Variants in WWC2 observed in about 807,000 individuals in gnomAD.
WWC2 encodes the protein WW and C2 domain containing 2, also known as protein WWC2.
In WWC2, 101 loss-of-function variants were observed where a neutral mutation model predicts 138.5. The ratio of observed to expected loss-of-function variants is 0.73; its 90% CI spans 0.62 to 0.86. WWC2 has a LOEUF of 0.86. Ranked by LOEUF, WWC2 falls within the 40% of genes least tolerant of loss-of-function variation. WWC2 has a pLI of 0.00. For synonymous variants in WWC2, 558 were observed against 538.4 expected (o/e 1.04, Z -0.50); for missense variants, 1,420 against 1,419.4 (o/e 1.00, Z -0.01).
chr4:183,303,381 A>C (rs1484248057), intron 21 of WWC2, among the ~76,000 whole-genome samples: 1 of 152,182 alleles, frequency 6.6e-6, no homozygotes, highest in Non-Finnish European at 1.5e-5. Context: ...CAGTGTAAAC[A>C]TCTCAGCCAC....
intron 2 of WWC2, among the ~76,000 whole-genome samples, chr4:183,199,197 G>A (rs1176965300): frequency 1.3e-5 from 2 of 152,198 alleles, no homozygotes; most frequent in Non-Finnish European, 2.9e-5. Context: ...GGAAAGACAT[G>A]CAGGAAATTC....
At chr4:183,307,118 G>A (rs1739048723) in intron 21 of WWC2, among the ~76,000 whole-genome samples, 1 of 152,136 alleles carries the variant, frequency 6.6e-6, no homozygotes, top group Non-Finnish European at 1.5e-5. Flanking sequence ...CAGGCCATAA[G>A]ATACATATTT....
chr4:183,276,608 A>G (rs1273884324), intron 16 of WWC2, among the ~76,000 whole-genome samples: 1 of 152,068 alleles, frequency 6.6e-6, no homozygotes, highest in Non-Finnish European at 1.5e-5. Flanking sequence ...TTATTGTCAT[A>G]TATTTTGAAT....
intron 8 of WWC2, among the ~76,000 whole-genome samples, chr4:183,251,879 C>T (rs931986552): frequency 6.6e-6 from 1 of 152,206 alleles, no homozygotes. Context: ...GTTTTCTCCT[C>T]CAGCCCTTAT....
chr4:183,190,773 A>G lies in WWC2; in HGVS notation c.132-2826A>G, dbSNP rs146693969. On this transcript the variant is annotated intron_variant, in intron 1 of 22. Transcript: ENST00000403733. The stretch of plus-strand genomic sequence containing the variant: ...AGTGACAATTAAATGCTTATCTGCT[A>G]ACCAGTTAGTGGAACAAACTGGATT... Among the ~76,000 whole-genome samples the G allele has an allele frequency of 4.8e-3, 731 of 152,350 alleles. 2 individuals are homozygous for G. Among genetic ancestry groups the G allele is most frequent in the Non-Finnish European group, 7.8e-3 (529 of 68,020 alleles).
At chr4:183,193,332 ACT>A (rs1735042450) in intron 1 of WWC2, among the ~76,000 whole-genome samples, 1 of 151,786 alleles carries the variant, frequency 6.6e-6, no homozygotes, top group South Asian at 2.1e-4. Context: ...AAGCTTCCTC[ACT>A]CTCAGCTTGG....
chr4:183,197,409 C>T (rs988660770), intron 2 of WWC2, among the ~76,000 whole-genome samples: 3 of 152,088 alleles, frequency 2.0e-5, no homozygotes, highest in Admixed American at 6.5e-5. Flanking sequence ...GTTCTGACAT[C>T]GTATAGTTTC....
intron 4 of WWC2, among the ~76,000 whole-genome samples, chr4:183,237,855 C>T (rs915835910): frequency 2.0e-5 from 3 of 152,056 alleles, no homozygotes; most frequent in Admixed American, 6.6e-5. Flanking sequence ...CTCTTGTATT[C>T]GAGGATGCCC....
chr4:183,228,677 A>C (rs1736145539), intron 4 of WWC2, among the ~76,000 whole-genome samples: 1 of 152,108 alleles, frequency 6.6e-6, no homozygotes, highest in African/African-American at 2.4e-5. Flanking sequence ...GAACAATATG[A>C]AGCGTCGTTA....
chr4:183,102,433 C>T (rs1342674407), intron 1 of WWC2, among the ~76,000 whole-genome samples: 3 of 152,150 alleles, frequency 2.0e-5, no homozygotes, highest in East Asian at 3.8e-4. Flanking sequence ...TTCATTCTCC[C>T]GTTGGTCCTG....
chr4:183,154,018 A>AAAAAAAAAAC, intron 1 of WWC2, among the ~76,000 whole-genome samples: 4 of 143,238 alleles, frequency 2.8e-5, no homozygotes, highest in African/African-American at 1.2e-4. Context: ...AAAAAAAAAA[A>AAAAAAAAAAC]AAAAAAAAAA....
intron 1 of WWC2, among the ~76,000 whole-genome samples, chr4:183,190,879 G>C (rs1341722339): frequency 1.3e-5 from 2 of 152,158 alleles, no homozygotes; most frequent in African/African-American, 4.8e-5. Flanking sequence ...TATTCTTAAA[G>C]TAATAAATAT....
chr4:183,249,063 T>C (rs1217375247), intron 7 of WWC2, among the ~76,000 whole-genome samples: 3 of 152,136 alleles, frequency 2.0e-5, no homozygotes, highest in South Asian at 4.1e-4. Context: ...GATTTGTCCA[T>C]ATGAGTAGCT....
At chr4:183,252,768 C>T (rs1004509106) in intron 8 of WWC2, among the ~76,000 whole-genome samples, 2 of 152,254 alleles carry the variant, frequency 1.3e-5, no homozygotes, top group Admixed American at 6.5e-5. Context: ...GTACACCAGT[C>T]GGGGCACTGA....
chr4:183,134,321 AT>A (rs745325810), intron 1 of WWC2, among the ~76,000 whole-genome samples: 4,042 of 143,274 alleles, frequency 0.028, 69 homozygotes, highest in Non-Finnish European at 0.043. Context: ...TGATTTTACT[AT>A]TTTTTTTTTT....
At chr4:183,175,415 C>G (rs908771482) in intron 1 of WWC2, among the ~76,000 whole-genome samples, 1 of 152,074 alleles carries the variant, frequency 6.6e-6, no homozygotes, top group African/African-American at 2.4e-5. Flanking sequence ...GCACACGCCA[C>G]CACACCCGGT....
intron 1 of WWC2, among the ~76,000 whole-genome samples, chr4:183,140,899 T>G (rs1305976018): frequency 1.3e-5 from 2 of 152,238 alleles, no homozygotes; most frequent in Non-Finnish European, 2.9e-5. Flanking sequence ...GCTTAATAAC[T>G]ATGTAACCTC....
intron 14 of WWC2, among the ~76,000 whole-genome samples, chr4:183,268,714 A>G (rs1737588199): frequency 6.6e-6 from 1 of 152,070 alleles, no homozygotes; most frequent in Admixed American, 6.5e-5. Context: ...TCACTTTCCT[A>G]TCATGTGCCT....
chr4:183,253,440 C>T (rs910830644), intron 8 of WWC2, among the ~76,000 whole-genome samples: 3 of 152,198 alleles, frequency 2.0e-5, no homozygotes, highest in South Asian at 2.1e-4. Flanking sequence ...CCTCTCGTGG[C>T]GCCCAGAGCA....
Sources: allele counts gnomAD v4.1 joint callset (sites outside exome capture counted in the v4.1 genomes callset), GRCh38; gene constraint gnomAD v4.1.1; transcripts MANE v1.5; gene names NCBI Gene and HGNC (gene_info 2026-07-23, HGNC 2026-07-21).